Variants in AGBL4 observed in about 807,000 individuals in gnomAD.
AGBL4 encodes AGBL carboxypeptidase 4, also known as cytosolic carboxypeptidase 6.
AGBL4 carries 58 observed loss-of-function variants against 66.4 expected under a neutral mutation model. The observed-to-expected ratio is 0.87, with a 90% CI of 0.71 to 1.09. AGBL4 has a LOEUF of 1.09. AGBL4 is among the 50% of genes least tolerant of loss of function. The probability of loss-of-function intolerance (pLI) is 0.00; values close to 1 mark genes in which losing one functional copy is unlikely to be tolerated. For synonymous variants in AGBL4, 234 were observed against 222.9 expected (o/e 1.05, Z -0.44); for missense variants, 579 against 631.0 (o/e 0.92, Z 0.88).
chr1:49,409,299 A>G (rs1483215895), intron 3 of AGBL4, among the ~76,000 whole-genome samples: 2 of 152,176 alleles, frequency 1.3e-5, no homozygotes, highest in Non-Finnish European at 2.9e-5. Flanking sequence ...TTTTTTAACA[A>G]TTACACAATT....
At chr1:49,981,038 T>A (rs74660434) in intron 1 of AGBL4, among the ~76,000 whole-genome samples, 8,109 of 152,248 alleles carry the variant, frequency 0.053, 243 homozygotes, top group African/African-American at 0.071. Context: ...ACATAAACTA[T>A]TTAATTACTA....
At chr1:49,573,942 G>A (rs1435801289) in intron 3 of AGBL4, among the ~76,000 whole-genome samples, 2 of 152,134 alleles carry the variant, frequency 1.3e-5, no homozygotes, top group African/African-American at 4.8e-5. Context: ...AACTCATGCT[G>A]CCATCAGCCT....
At chr1:49,162,428 G>T (rs1224818915) in intron 4 of AGBL4, among the ~76,000 whole-genome samples, 3 of 152,126 alleles carry the variant, frequency 2.0e-5, no homozygotes, top group Non-Finnish European at 4.4e-5. Context: ...CTCAGTAAAT[G>T]TCTGATAAAT....
At chr1:49,975,811 T>C (rs117293914) in intron 1 of AGBL4, among the ~76,000 whole-genome samples, 1 of 152,362 alleles carries the variant, frequency 6.6e-6, no homozygotes, top group East Asian at 1.9e-4. Context: ...GCACATTTGG[T>C]GCTCACTGCC....
intron 9 of AGBL4, among the ~76,000 whole-genome samples, chr1:48,618,540 A>G (rs1007674671): frequency 6.6e-6 from 1 of 152,172 alleles, no homozygotes; most frequent in African/African-American, 2.4e-5. Context: ...TAGTTCATCC[A>G]GCTCTGAAGT....
intron 9 of AGBL4, among the ~76,000 whole-genome samples, chr1:48,613,065 C>T (rs1372357059): frequency 5.9e-5 from 9 of 151,740 alleles, no homozygotes; most frequent in Non-Finnish European, 7.4e-5. Flanking sequence ...ACTAAGGAGG[C>T]GGAGGTTGCA....
At chr1:48,612,771 A>G (rs1259831674) in intron 9 of AGBL4, among the ~76,000 whole-genome samples, 2 of 152,250 alleles carry the variant, frequency 1.3e-5, no homozygotes, top group Non-Finnish European at 2.9e-5. Flanking sequence ...ACTTAAATGA[A>G]TTACATCTTT....
intron 4 of AGBL4, among the ~76,000 whole-genome samples, chr1:49,074,745 A>G (rs1005855831): frequency 6.6e-6 from 1 of 152,224 alleles, no homozygotes; most frequent in Non-Finnish European, 1.5e-5. Context: ...AGGCCAAATT[A>G]AACAATTACA....
At chr1:49,812,403 C>A (rs564107893) in intron 2 of AGBL4, among the ~76,000 whole-genome samples, 2 of 152,136 alleles carry the variant, frequency 1.3e-5, no homozygotes, top group Non-Finnish European at 2.9e-5. Flanking sequence ...AGGCTGTATA[C>A]ATGGACTTGT....
At chr1:49,882,087 G>A (rs1449248158) in intron 1 of AGBL4, among the ~76,000 whole-genome samples, 2 of 152,044 alleles carry the variant, frequency 1.3e-5, no homozygotes, top group African/African-American at 4.8e-5. Flanking sequence ...AAGGGATCCA[G>A]TTTCAGCTTT....
intron 8 of AGBL4, among the ~76,000 whole-genome samples, chr1:48,642,784 G>C (rs964759903): frequency 1.3e-5 from 2 of 152,128 alleles, no homozygotes; most frequent in Admixed American, 1.3e-4. Flanking sequence ...CGTTTCTTAA[G>C]TGAAAAAGGA....
At chr1:49,842,261 C>A (rs1161437499) in intron 2 of AGBL4, 3 of 445,770 alleles carry the variant, frequency 6.7e-6, no homozygotes, top group Non-Finnish European at 1.3e-5. Flanking sequence ...TGATGTAATG[C>A]TGGACGCCTT....
rs1462157098 is a variant in AGBL4 at position 49,940,851 on chromosome 1, T to G, written c.34+82912A>C. On this transcript the variant is annotated intron_variant, in intron 1 of 13. Coordinates refer to ENST00000371839, the MANE Select transcript of AGBL4 (RefSeq NM_032785.4). ...ATGTACCCTAAAACTTAAAGTATAA[T>G]AATAATAAAAAAAATAGAAAAGATT... Among the ~76,000 whole-genome samples, 8 of 151,864 alleles carry G rather than the reference T, an allele frequency of 5.3e-5. No individual in the cohort carries two copies. The East Asian group carries it at 1.5e-3, about 29-fold the overall frequency.
At chr1:49,381,230 A>G (rs912347578) in intron 3 of AGBL4, among the ~76,000 whole-genome samples, 6 of 152,200 alleles carry the variant, frequency 3.9e-5, no homozygotes, top group Admixed American at 3.9e-4. Context: ...ATGCAGCCAA[A>G]AAACACATGA....
chr1:48,727,256 C>T (rs577864097), intron 6 of AGBL4, among the ~76,000 whole-genome samples: 2 of 152,176 alleles, frequency 1.3e-5, no homozygotes, highest in Non-Finnish European at 2.9e-5. Context: ...AAGATGGATT[C>T]AAATTATTAG....
intron 1 of AGBL4, among the ~76,000 whole-genome samples, chr1:49,943,206 C>T (rs1281348809): frequency 6.6e-6 from 1 of 152,080 alleles, no homozygotes; most frequent in Non-Finnish European, 1.5e-5. Flanking sequence ...AATCCTTGTG[C>T]ACACTGTTGG....
At chr1:48,731,032 G>A (rs928670230) in intron 6 of AGBL4, among the ~76,000 whole-genome samples, 1 of 152,120 alleles carries the variant, frequency 6.6e-6, no homozygotes, top group Non-Finnish European at 1.5e-5. Context: ...TAAAATCAAA[G>A]AGAAGAAGAA....
At chr1:49,053,217 A>G (rs1421659604) in intron 4 of AGBL4, among the ~76,000 whole-genome samples, 1 of 152,162 alleles carries the variant, frequency 6.6e-6, no homozygotes, top group African/African-American at 2.4e-5. Flanking sequence ...GGGGTCAAGG[A>G]AAAAGTGAAA....
intron 3 of AGBL4, among the ~76,000 whole-genome samples, chr1:49,676,852 C>T (rs983939905): frequency 6.6e-6 from 1 of 151,948 alleles, no homozygotes; most frequent in African/African-American, 2.4e-5. Flanking sequence ...TAGATAGTGC[C>T]TATGCTCTTT....
Sources: gnomAD v4.1 joint callset for allele counts (sites outside exome capture counted in the v4.1 genomes callset) on GRCh38, gnomAD v4.1.1 for gene constraint, MANE v1.5 for transcripts, NCBI Gene and HGNC (gene_info 2026-07-23, HGNC 2026-07-21) for gene names.